Variants in CDH4 observed in about 807,000 individuals in gnomAD.
CDH4 encodes the protein cadherin 4, also known as cadherin-4.
CDH4 carries 33 observed loss-of-function variants against 86.0 expected under a neutral mutation model. The ratio of observed to expected loss-of-function variants is 0.38; its 90% confidence interval spans 0.29 to 0.51. The LOEUF (loss-of-function observed/expected upper bound fraction) is 0.51, where lower values mean the gene tolerates loss of function less well. CDH4 is among the 20% of genes least tolerant of loss of function. The pLI is 0.86. For synonymous variants in CDH4, 555 were observed against 549.4 expected, an observed-to-expected ratio of 1.01 and a Z score of -0.14; for missense variants, 1,114 against 1,307.4, an observed-to-expected ratio of 0.85 and a Z score of 2.28.
At chr20:61,550,897 G>A (rs945865019) in intron 2 of CDH4, among the ~76,000 whole-genome samples, 6 of 152,202 alleles carry the variant, frequency 3.9e-5, no homozygotes, top group African/African-American at 1.2e-4. Context: ...GGCCAGATGC[G>A]CACAGGCCAG....
chr20:61,439,994 C>T (rs766814431), intron 2 of CDH4, among the ~76,000 whole-genome samples: 7 of 152,234 alleles, frequency 4.6e-5, no homozygotes, highest in Admixed American at 2.0e-4. Flanking sequence ...CAGGTCATCA[C>T]GGCTTGATCT....
chr20:61,314,742 C>T (rs977673589), intron 2 of CDH4, among the ~76,000 whole-genome samples: 3 of 152,218 alleles, frequency 2.0e-5, no homozygotes, highest in Non-Finnish European at 2.9e-5. Context: ...CCAGCAACAG[C>T]GGAGGAGGAG....
At chr20:61,524,624 G>A (rs114591856) in intron 2 of CDH4, among the ~76,000 whole-genome samples, 3,299 of 152,024 alleles carry the variant, frequency 0.022, 121 homozygotes, top group African/African-American at 0.074. Context: ...AACTGGGACT[G>A]CAGGCACATG....
In CDH4 at chr20:61,676,948, G is replaced by A. The variant is rs1407576184; in HGVS notation, c.170-66615G>A. On this transcript the variant is annotated intron_variant, in intron 2 of 15. Coordinates refer to ENST00000614565, the MANE Select transcript of CDH4 (RefSeq NM_001794.5). The surrounding 1 kb of genome is among the most constrained non-coding windows in gnomAD (Gnocchi z 4.5). Reference sequence around the variant, plus strand: ...TGGGCCAGGCTGCAGTGGGACCAGCGGTCCAAGACCTTGGGGCAGGAGGGG... The same window carrying A: ...TGGGCCAGGCTGCAGTGGGACCAGCAGTCCAAGACCTTGGGGCAGGAGGGG... Among the ~76,000 whole-genome samples, 3 of 152,246 alleles carry A rather than the reference G, an allele frequency of 2.0e-5. No homozygotes were observed. Among genetic ancestry groups the A allele is most frequent in the Admixed American group, 1.3e-4 (2 of 15,294 alleles).
chr20:61,565,229 G>GAT lies in CDH4; in HGVS notation c.170-178334_170-178333insAT, dbSNP rs1212703511. On this transcript the variant is annotated intron_variant, in intron 2 of 15. Coordinates refer to ENST00000614565, the MANE Select transcript of CDH4 (RefSeq NM_001794.5). The stretch of plus-strand genomic sequence containing the variant: ...CGCGGTGCTCTCGGTGGTAGGTGGT[G>GAT]GTGGTGGTGGTGGCGGTGCTCTTGG... Among the ~76,000 whole-genome samples, 5 of 58,554 alleles carry GAT rather than the reference G, an allele frequency of 8.5e-5. 2 individuals carry two copies. The highest frequency in any genetic ancestry group is 1.3e-4 in the African/African-American group (2 of 15,576). The allele number at this position is 58,554 out of a possible 152,430, so 38.4% of individuals were successfully genotyped here.
At chr20:61,800,427 C>T (rs1001576323) in intron 4 of CDH4, among the ~76,000 whole-genome samples, 4 of 152,364 alleles carry the variant, frequency 2.6e-5, no homozygotes, top group Middle Eastern at 3.4e-3. Context: ...ACTGTCACTG[C>T]AACCATTTGC....
chr20:61,831,697 G>C (rs944235101), intron 4 of CDH4, among the ~76,000 whole-genome samples: 1 of 152,254 alleles, frequency 6.6e-6, no homozygotes, highest in African/African-American at 2.4e-5. Context: ...ACACCCTCAT[G>C]TGGTCCCTCC....
rs992548717 is a variant in CDH4, at chr20:61,324,281, T to C, written c.169+69344T>C. ...TCCTGGAGGAATTTGAATATTAAAT[T>C]GAAACTGATTGCATTAGTGTCCTGG... On this transcript the variant is annotated intron_variant, in intron 2 of 15. Transcript: ENST00000614565. Among the ~76,000 whole-genome samples, 4 of 152,310 alleles carry C rather than the reference T, an allele frequency of 2.6e-5. No individual in the cohort carries two copies. In the South Asian group the frequency reaches 8.3e-4, roughly 32 times the overall value.
intron 3 of CDH4, among the ~76,000 whole-genome samples, chr20:61,769,754 C>G (rs1043783583): frequency 5.3e-5 from 8 of 152,190 alleles, no homozygotes; most frequent in Non-Finnish European, 1.2e-4. Context: ...GAGCCTGGAA[C>G]CTGAGTGCAC....
chr20:61,434,050 A>G (rs539218150), intron 2 of CDH4, among the ~76,000 whole-genome samples: 32 of 152,138 alleles, frequency 2.1e-4, no homozygotes, highest in Non-Finnish European at 3.8e-4. Context: ...GCCAGGCGTT[A>G]CCCTCTAGCA....
chr20:61,317,966 G>A (rs888855481), intron 2 of CDH4, among the ~76,000 whole-genome samples: 1 of 152,214 alleles, frequency 6.6e-6, no homozygotes, highest in South Asian at 2.1e-4. Flanking sequence ...ACACTTATTG[G>A]AGGAAAACGC....
chr20:61,273,258 G>T (rs1413000357), intron 2 of CDH4, among the ~76,000 whole-genome samples: 2 of 138,548 alleles, frequency 1.4e-5, no homozygotes, highest in Non-Finnish European at 3.1e-5. Context: ...CAGTTTAGGG[G>T]AGTACCGTGT....
chr20:61,816,838 C>A (rs1249840314), intron 4 of CDH4, among the ~76,000 whole-genome samples: 1 of 152,176 alleles, frequency 6.6e-6, no homozygotes, highest in Non-Finnish European at 1.5e-5. Flanking sequence ...GCCCTGAGCT[C>A]GCCCGCATCC....
intron 2 of CDH4, among the ~76,000 whole-genome samples, chr20:61,545,154 C>G (rs1276925598): frequency 6.6e-6 from 1 of 152,236 alleles, no homozygotes; most frequent in Non-Finnish European, 1.5e-5. Flanking sequence ...GCAGCAAGCT[C>G]TGCCACGCAG....
intron 2 of CDH4, among the ~76,000 whole-genome samples, chr20:61,593,915 G>C (rs2086535554): frequency 6.6e-6 from 1 of 150,742 alleles, no homozygotes; most frequent in South Asian, 2.1e-4. Flanking sequence ...TTGGGGTTTT[G>C]TTTGCTGAAG....
At chr20:61,924,204 G>C in intron 10 of CDH4, 130 bp from the exon 11 acceptor site, 3 of 916,192 alleles carry the variant, frequency 3.3e-6, no homozygotes, top group Non-Finnish European at 4.9e-6. Flanking sequence ...GACAAGGCCT[G>C]GGGGGCTCCA....
At chr20:61,603,004 T>C (rs1419953200) in intron 2 of CDH4, among the ~76,000 whole-genome samples, 1 of 152,238 alleles carries the variant, frequency 6.6e-6, no homozygotes, top group Non-Finnish European at 1.5e-5. Flanking sequence ...AGAGAAGCTT[T>C]GGATTAAGCA....
rs796080529 is a variant in CDH4, at chr20:61,783,823, T to G, written c.576+10641T>G. ...TCTTGTGCCCCCAAGAGAAATGTAA[T>G]CCCAGTTCCTCGGGACAGTTCTCAA... On this transcript the variant is annotated intron_variant, in intron 4 of 15. Coordinates refer to ENST00000614565, the MANE Select transcript of CDH4 (RefSeq NM_001794.5). 9.5e-3 allele frequency among the ~76,000 whole-genome samples: 562 copies of G among 59,002 alleles called. 25 individuals carry two copies. Among genetic ancestry groups the G allele is most frequent in the African/African-American group, 0.025 (348 of 13,712 alleles). The allele number at this position is 59,002 out of a possible 152,430, so 38.7% of individuals were successfully genotyped here. A position where few individuals can be genotyped will look rare whatever the true frequency, so the allele number is the denominator to read the frequency against.
chr20:61,713,946 C>T (rs1045083240), intron 2 of CDH4, among the ~76,000 whole-genome samples: 2 of 152,162 alleles, frequency 1.3e-5, no homozygotes, highest in South Asian at 2.1e-4. Flanking sequence ...TTCACCCCAG[C>T]GGGACTCAGC....
Sources: allele counts gnomAD v4.1 joint callset (sites outside exome capture counted in the v4.1 genomes callset), GRCh38; gene constraint gnomAD v4.1.1; non-coding constraint Gnocchi (gnomAD v3.1); transcripts MANE v1.5; gene names NCBI Gene and HGNC (gene_info 2026-07-23, HGNC 2026-07-21).